CDK15: variants seen among roughly 807,000 people sequenced by gnomAD.
CDK15 encodes cyclin-dependent kinase 15.
A neutral mutation model predicts 60.3 loss-of-function variants in CDK15; 62 were observed. The observed-to-expected ratio is 1.03, with a 90% CI of 0.84 to 1.27. The LOEUF is 1.27. Ranked by LOEUF, CDK15 falls within the 50% of genes most tolerant of loss-of-function variation. CDK15 has a pLI of 0.00. For missense variants in CDK15, 541 were observed against 527.8 expected (o/e 1.03, Z -0.25); for synonymous variants, 194 against 195.7 (o/e 0.99, Z 0.07).
chr2:201,860,774 A>T (rs766580254), intron 10 of CDK15: 3 of 1,352,130 alleles, frequency 2.2e-6, no homozygotes, highest in Non-Finnish European at 2.9e-6. Flanking sequence ...TGGCATACTG[A>T]CATCGGACAG....
intron 4 of CDK15, among the ~76,000 whole-genome samples, chr2:201,820,900 C>A (rs922840088): frequency 1.3e-5 from 2 of 152,150 alleles, no homozygotes; most frequent in African/African-American, 4.8e-5. Flanking sequence ...TTAGTCATTA[C>A]AGCAAATAAG....
intron 12 of CDK15, chr2:201,888,738 C>G: frequency 8.4e-7 from 1 of 1,190,870 alleles, no homozygotes; most frequent in Non-Finnish European, 1.0e-6. Context: ...CCCTCCCTCC[C>G]TGCTTTTGAG....
At chr2:201,861,536 T>C in intron 10 of CDK15, 2 of 984,122 alleles carry the variant, frequency 2.0e-6, no homozygotes, top group Non-Finnish European at 2.4e-6. Context: ...CCCATTCAGT[T>C]TTTTTTGTTG....
At chr2:201,843,193 C>CT (rs1036364478) in intron 8 of CDK15, among the ~76,000 whole-genome samples, 24 of 151,300 alleles carry the variant, frequency 1.6e-4, no homozygotes, top group African/African-American at 5.1e-4. Flanking sequence ...TTGCATAGTT[C>CT]TTTTTTTTTA....
At chr2:201,835,562 T>C (rs1384458849) in intron 7 of CDK15, 81 bp from the exon 8 acceptor site, 3 of 1,355,878 alleles carry the variant, frequency 2.2e-6, no homozygotes, top group Admixed American at 2.2e-5. Context: ...TTTTTTCTAA[T>C]GGTGTTTACC....
rs1699732524 is a variant in CDK15 at position 201,894,827 on chromosome 2, A to C, written c.*1560A>C. On this transcript the variant is annotated 3_prime_UTR_variant, in exon 14 of 14. Coordinates refer to ENST00000652192, the MANE Select transcript of CDK15 (RefSeq NM_001366386.2). ...AGAGGCAGCTGCTATTTAGTATTGGATCATGATTCAAAAGACACCTTGCTA... is the reference window on the plus strand; with the variant it reads ...AGAGGCAGCTGCTATTTAGTATTGGCTCATGATTCAAAAGACACCTTGCTA... 6.6e-6 allele frequency: 1 copy of C among 152,180 alleles called. No homozygotes were observed. The highest frequency in any genetic ancestry group is 1.5e-5 in the Non-Finnish European group (1 of 68,034). 9.4% of individuals were successfully genotyped at this position (152,180 alleles called of 1,614,324 possible). A position where few individuals can be genotyped will look rare whatever the true frequency, so the allele number is the denominator to read the frequency against.
Position 201,878,983 on chromosome 2 carries a change from A to T in CDK15, c.1059-1045A>T, listed in dbSNP as rs143670665. The stretch of plus-strand genomic sequence containing the variant: ...CTTTTCTTCACAGTTGTACTTAGAC[A>T]TCTGTGTGATAATTTGATGAACATC... On this transcript the variant is annotated intron_variant, in intron 11 of 13. Transcript: ENST00000652192. Among the ~76,000 whole-genome samples the T allele has an allele frequency of 1.2e-3, 178 of 152,340 alleles. 1 individual carries two copies. The highest frequency in any genetic ancestry group is 4.1e-3 in the African/African-American group (170 of 41,576).
chr2:201,809,009 C>T (rs1695637357), intron 3 of CDK15, among the ~76,000 whole-genome samples: 1 of 152,250 alleles, frequency 6.6e-6, no homozygotes, highest in East Asian at 1.9e-4. Flanking sequence ...ACTGCAACCT[C>T]TGCCTCCTGA....
chr2:201,865,892 C>CAAAAAAAAA (rs35178158), intron 10 of CDK15, among the ~76,000 whole-genome samples: 2 of 40,078 alleles, frequency 5.0e-5, no homozygotes, highest in Non-Finnish European at 1.1e-4. Flanking sequence ...TCCATCTCAA[C>CAAAAAAAAA]AAAAAAAAAA....
chr2:201,859,956 G>T (rs896284384), intron 10 of CDK15, among the ~76,000 whole-genome samples: 2 of 152,146 alleles, frequency 1.3e-5, no homozygotes, highest in African/African-American at 4.8e-5. Context: ...TCCTCTGGAG[G>T]TTGTCCAGTC....
intron 8 of CDK15, among the ~76,000 whole-genome samples, chr2:201,840,655 G>A (rs751538267): frequency 3.3e-5 from 5 of 152,154 alleles, no homozygotes; most frequent in Admixed American, 2.0e-4. Flanking sequence ...GGTTTTGTTG[G>A]GGATGTGATT....
intron 10 of CDK15, among the ~76,000 whole-genome samples, chr2:201,858,869 A>G (rs1366584563): frequency 2.0e-5 from 3 of 152,084 alleles, no homozygotes; most frequent in Non-Finnish European, 4.4e-5. Context: ...CATCCCCTCA[A>G]AGAAGTGGGT....
chr2:201,858,663 C>T (rs1484952686), intron 10 of CDK15, among the ~76,000 whole-genome samples: 1 of 152,052 alleles, frequency 6.6e-6, no homozygotes, highest in Non-Finnish European at 1.5e-5. Flanking sequence ...CACGGATTCC[C>T]AGACTCTCAG....
chr2:201,828,645 C>T lies in CDK15; in HGVS notation c.606+4918C>T, dbSNP rs1264844640. On this transcript the variant is annotated intron_variant, in intron 6 of 13. Transcript: ENST00000652192. ...GCACAAAGGAAGAGGTTATCCAAAT[C>T]AAAGCAGGTGGGAGTAGGGATGAGT... Among the ~76,000 whole-genome samples, 6 of 152,138 alleles carry T rather than the reference C, an allele frequency of 3.9e-5. No homozygotes were observed. In the East Asian group the frequency reaches 1.2e-3, roughly 29 times the overall value.
intron 9 of CDK15, among the ~76,000 whole-genome samples, chr2:201,853,577 T>C (rs1698001542): frequency 6.6e-6 from 1 of 152,170 alleles, no homozygotes; most frequent in Non-Finnish European, 1.5e-5. Flanking sequence ...CTGTAAGAGA[T>C]GTTTCTAAAA....
At chr2:201,853,793 A>G (rs949387193) in intron 9 of CDK15, among the ~76,000 whole-genome samples, 3 of 151,988 alleles carry the variant, frequency 2.0e-5, no homozygotes, top group African/African-American at 7.2e-5. Context: ...CTTCATCCAA[A>G]GTCTGAGCTG....
At chr2:201,846,331 A>G (rs1446601236) in intron 8 of CDK15, among the ~76,000 whole-genome samples, 1 of 152,056 alleles carries the variant, frequency 6.6e-6, no homozygotes, top group Non-Finnish European at 1.5e-5. Context: ...CGTTTCTACT[A>G]AAAATACAAA....
chr2:201,820,562 G>T (rs975486666), intron 4 of CDK15, among the ~76,000 whole-genome samples: 15 of 152,156 alleles, frequency 9.9e-5, no homozygotes, highest in African/African-American at 3.6e-4. Flanking sequence ...ATACTCTCCA[G>T]AGCTTACTCA....
rs201806765 is a variant in CDK15 at position 201,823,735 on chromosome 2, C to G, written c.606+8C>G. On this transcript the variant is annotated splice_region_variant and intron_variant, in intron 6 of 13. Coordinates refer to ENST00000652192, the MANE Select transcript of CDK15 (RefSeq NM_001366386.2). ...CATCCTCATAATGTCAGAGTGAGTACGTTAAGGGTCAGGACCCTCTCCTGG... is the reference window on the plus strand; with the variant it reads ...CATCCTCATAATGTCAGAGTGAGTAGGTTAAGGGTCAGGACCCTCTCCTGG... 6 of 1,612,486 alleles carry G rather than the reference C, an allele frequency of 3.7e-6. No individual in the cohort carries two copies. The Admixed American group carries it at 1.0e-4, about 27-fold the overall frequency.
Sources: allele counts gnomAD v4.1 joint callset (sites outside exome capture counted in the v4.1 genomes callset), GRCh38; gene constraint gnomAD v4.1.1; transcripts MANE v1.5; gene names NCBI Gene and HGNC (gene_info 2026-07-23, HGNC 2026-07-21).